UVRAG: variants seen among roughly 807,000 people sequenced by gnomAD.
UVRAG encodes UV radiation resistance-associated gene protein.
In UVRAG, 19 loss-of-function variants were observed where a neutral mutation model predicts 78.0. The ratio of observed to expected loss-of-function variants is 0.24; its 90% CI spans 0.17 to 0.36. The LOEUF (loss-of-function observed/expected upper bound fraction) is 0.36, where lower values mean the gene tolerates loss of function less well. Among genes scored for constraint, UVRAG ranks in the 10% least tolerant of loss-of-function variants. UVRAG has a pLI of 1.00. For missense variants in UVRAG, 740 were observed against 853.8 expected (o/e 0.87, Z 1.66); for synonymous variants, 323 against 324.6 (o/e 1.00, Z 0.05).
chr11:75,908,522 T>A, intron 5 of UVRAG, among the ~76,000 whole-genome samples: 1 of 152,172 alleles, frequency 6.6e-6, no homozygotes, highest in Admixed American at 6.5e-5. Flanking sequence ...GATTTTTATA[T>A]CTGTATTCAT....
At chr11:76,137,439 A>C (rs751598230) in intron 14 of UVRAG, 3 of 456,328 alleles carry the variant, frequency 6.6e-6, no homozygotes, top group Non-Finnish European at 1.3e-5. Context: ...TTCTTGTTCA[A>C]CTTTTTTAAG....
intron 13 of UVRAG, among the ~76,000 whole-genome samples, chr11:76,081,037 T>C (rs990207424): frequency 6.6e-6 from 1 of 152,198 alleles, no homozygotes; most frequent in Non-Finnish European, 1.5e-5. Flanking sequence ...TCTGTCCCCA[T>C]TGTGTTCACA....
chr11:75,876,753 C>T (rs566549214), intron 3 of UVRAG, among the ~76,000 whole-genome samples: 198 of 150,504 alleles, frequency 1.3e-3, no homozygotes, highest in African/African-American at 4.7e-3. Context: ...TCTGAAGACC[C>T]TTTGATTTAC....
At chr11:75,841,057 A>T (rs1293838759) in intron 1 of UVRAG, among the ~76,000 whole-genome samples, 1 of 152,214 alleles carries the variant, frequency 6.6e-6, no homozygotes, top group Admixed American at 6.5e-5. Context: ...AAAAAGTTAT[A>T]ACAAAGTAAC....
At chr11:76,124,842 T>C (rs916959160) in intron 14 of UVRAG, among the ~76,000 whole-genome samples, 2 of 152,238 alleles carry the variant, frequency 1.3e-5, no homozygotes, top group African/African-American at 4.8e-5. Flanking sequence ...CTAAGAACTT[T>C]GACACATTTT....
intron 4 of UVRAG, among the ~76,000 whole-genome samples, chr11:75,880,338 C>G (rs959018794): frequency 2.0e-5 from 3 of 152,140 alleles, no homozygotes; most frequent in African/African-American, 4.8e-5. Flanking sequence ...TAGCATTTTG[C>G]TTTTTCTGTC....
At chr11:76,076,857 T>C (rs1591208599) in intron 13 of UVRAG, among the ~76,000 whole-genome samples, 1 of 148,076 alleles carries the variant, frequency 6.8e-6, no homozygotes, top group Non-Finnish European at 1.5e-5. Context: ...CAAGACCCCA[T>C]AATAAAAAAA....
rs539907135 is a variant in UVRAG, at chr11:76,003,917, C to G, written c.827-88C>G. ...TCCCTAACTCTTTTTATTTCCCTCTCACAGTCAGGGATTTGGCTTGGCCTC... is the reference window on the plus strand; with the variant it reads ...TCCCTAACTCTTTTTATTTCCCTCTGACAGTCAGGGATTTGGCTTGGCCTC... On this transcript the variant is annotated intron_variant, in intron 8 of 14. Transcript: ENST00000356136. The G allele has an allele frequency of 6.3e-5, 77 of 1,212,850 alleles. 1 individual carries two copies. The highest frequency in any genetic ancestry group is 3.0e-5 in the African/African-American group (2 of 66,694). 75.1% of individuals were successfully genotyped at this position (1,212,850 alleles called of 1,614,324 possible).
At chr11:76,072,912 G>T (rs577649539) in intron 13 of UVRAG, among the ~76,000 whole-genome samples, 4 of 152,152 alleles carry the variant, frequency 2.6e-5, no homozygotes, top group African/African-American at 9.7e-5. Flanking sequence ...GTAGGTCTGG[G>T]AGGGCGGAAT....
At chr11:75,955,962 C>T (rs1948789122) in intron 6 of UVRAG, among the ~76,000 whole-genome samples, 1 of 152,138 alleles carries the variant, frequency 6.6e-6, no homozygotes, top group Admixed American at 6.6e-5. Flanking sequence ...ATGTTAGTCC[C>T]CACCACTCTT....
rs750700300 is a variant in UVRAG at position 75,902,800 on chromosome 11, A to G, written c.508-9154A>G. The stretch of plus-strand genomic sequence containing the variant: ...ATTGACATAATCCAAGCTCAGATCA[A>G]CATTCCCAAAGGGCTGGGTCACTGC... On this transcript the variant is annotated intron_variant, in intron 5 of 14. Transcript: ENST00000356136. 2.6e-5 allele frequency among the ~76,000 whole-genome samples: 4 copies of G among 152,166 alleles called. No homozygotes were observed. The East Asian group carries it at 7.7e-4, about 29-fold the overall frequency.
At chr11:75,951,551 T>A (rs1232441342) in intron 6 of UVRAG, among the ~76,000 whole-genome samples, 1 of 152,066 alleles carries the variant, frequency 6.6e-6, no homozygotes, top group Non-Finnish European at 1.5e-5. Context: ...CCTGGCTAAT[T>A]TTGTATTTTT....
chr11:76,034,229 C>T (rs554795397), intron 12 of UVRAG, among the ~76,000 whole-genome samples: 3 of 152,238 alleles, frequency 2.0e-5, no homozygotes, highest in African/African-American at 4.8e-5. Context: ...AACAAGGTCT[C>T]ACTCTGTCAC....
intron 8 of UVRAG, among the ~76,000 whole-genome samples, chr11:75,992,337 T>C (rs958458845): frequency 2.0e-4 from 30 of 152,334 alleles, no homozygotes; most frequent in African/African-American, 7.0e-4. Flanking sequence ...GTATTTGTCA[T>C]GGAGGGTCAC....
intron 12 of UVRAG, among the ~76,000 whole-genome samples, chr11:76,055,564 C>T (rs1000032389): frequency 3.3e-5 from 5 of 152,256 alleles, no homozygotes; most frequent in East Asian, 1.9e-4. Flanking sequence ...ATTATATCAA[C>T]CTATTTATTT....
intron 2 of UVRAG, 34 bp from the exon 3 acceptor site, chr11:75,861,712 A>AT: frequency 6.6e-7 from 1 of 1,523,818 alleles, no homozygotes. Flanking sequence ...ATTTTCTTTC[A>AT]TATCACTTAT....
chr11:75,948,416 A>G (rs1722303282), intron 6 of UVRAG, among the ~76,000 whole-genome samples: 1 of 152,170 alleles, frequency 6.6e-6, no homozygotes, highest in Non-Finnish European at 1.5e-5. Context: ...GGATAAGAGC[A>G]TTGGGAAAGA....
rs549538065 is a variant in UVRAG, at chr11:76,079,651, T to C, written c.1305+13863T>C. ...AACTAATGATAATACTATCTTACAT[T>C]TATGTAGTGCCTTACAGTTTTCAAA... On this transcript the variant is annotated intron_variant, in intron 13 of 14. Transcript: ENST00000356136. Among the ~76,000 whole-genome samples, 7 of 152,256 alleles carry C rather than the reference T, an allele frequency of 4.6e-5. No individual in the cohort carries two copies. In the East Asian group the frequency reaches 1.3e-3, roughly 29 times the overall value.
At chr11:75,894,304 ACT>A (rs1334276506) in intron 5 of UVRAG, among the ~76,000 whole-genome samples, 1 of 151,504 alleles carries the variant, frequency 6.6e-6, no homozygotes, top group Non-Finnish European at 1.5e-5. Context: ...CGTTATTGTG[ACT>A]CTTCATTGTA....
Sources: allele counts gnomAD v4.1 joint callset (sites outside exome capture counted in the v4.1 genomes callset), GRCh38; gene constraint gnomAD v4.1.1; transcripts MANE v1.5; gene names NCBI Gene and HGNC (gene_info 2026-07-23, HGNC 2026-07-21).